Variants in HEMK2 observed in about 807,000 individuals in gnomAD.
HEMK2 encodes the protein HemK methyltransferase 2, ETF1 glutamine and histone H4 lysine.
chr21:28,588,248 C>A, the HEMK2 span, among the ~76,000 whole-genome samples: 2 of 152,110 alleles, frequency 1.3e-5, no homozygotes, highest in Admixed American at 1.3e-4. Flanking sequence ...ATTTGGGGCA[C>A]CAAAAAGGCC....
chr21:28,864,788 C>T, the HEMK2 span, among the ~76,000 whole-genome samples: 1 of 151,002 alleles, frequency 6.6e-6, no homozygotes, highest in African/African-American at 2.4e-5. Flanking sequence ...CAAGTCACCT[C>T]GACTCCTACC....
chr21:28,713,898 T>G, the HEMK2 span, among the ~76,000 whole-genome samples: 1 of 152,236 alleles, frequency 6.6e-6, no homozygotes, highest in African/African-American at 2.4e-5. Flanking sequence ...TACATATGCA[T>G]TCTATGCACA....
the HEMK2 span, among the ~76,000 whole-genome samples, chr21:28,822,759 GCCATAATGACTTGATATATAAA>G: frequency 6.6e-6 from 1 of 152,056 alleles, no homozygotes; most frequent in South Asian, 2.1e-4. Context: ...AAAGCTCTGT[GCCATAATGACTTGATATATAAA>G]CTTTTGGGAA....
chr21:28,636,925 G>C, the HEMK2 span, among the ~76,000 whole-genome samples: 6 of 152,128 alleles, frequency 3.9e-5, no homozygotes, highest in Non-Finnish European at 8.8e-5. Flanking sequence ...TTTTTGCTTA[G>C]AAGCCACGTG....
At chr21:28,783,533 G>A in the HEMK2 span, among the ~76,000 whole-genome samples, 2 of 152,350 alleles carry the variant, frequency 1.3e-5, no homozygotes, top group East Asian at 1.9e-4. Context: ...TTTTGACTGC[G>A]ACCTGTCACA....
At chr21:28,854,012 C>T in the HEMK2 span, among the ~76,000 whole-genome samples, 4 of 152,126 alleles carry the variant, frequency 2.6e-5, no homozygotes, top group Non-Finnish European at 5.9e-5. Flanking sequence ...TCTTTCTCGA[C>T]AGGAGATAAG....
the HEMK2 span, among the ~76,000 whole-genome samples, chr21:28,588,852 G>A: frequency 6.6e-6 from 1 of 151,834 alleles, no homozygotes. Flanking sequence ...GCGTTGTGGT[G>A]GGCACCTGTA....
At chr21:28,760,554 C>A in the HEMK2 span, among the ~76,000 whole-genome samples, 1 of 152,162 alleles carries the variant, frequency 6.6e-6, no homozygotes, top group Admixed American at 6.6e-5. Context: ...ATTGTTTTGA[C>A]TGTATCCATT....
the HEMK2 span, among the ~76,000 whole-genome samples, chr21:28,783,907 G>A: frequency 6.6e-5 from 10 of 152,230 alleles, no homozygotes; most frequent in Non-Finnish European, 1.0e-4. Flanking sequence ...CAGGCCAGCA[G>A]CTGCAGAGGG....
the HEMK2 span, among the ~76,000 whole-genome samples, chr21:28,866,178 A>C: frequency 7.8e-6 from 1 of 127,882 alleles, no homozygotes; most frequent in Admixed American, 7.6e-5. Context: ...AAAAAAAAAC[A>C]CACACACACA....
chr21:28,636,185 C>T, the HEMK2 span, among the ~76,000 whole-genome samples: 1 of 152,088 alleles, frequency 6.6e-6, no homozygotes, highest in East Asian at 1.9e-4. Context: ...GAAATTTTGC[C>T]TTCAAAATAC....
the HEMK2 span, among the ~76,000 whole-genome samples, chr21:28,815,973 G>T: frequency 6.6e-6 from 1 of 152,154 alleles, no homozygotes; most frequent in Non-Finnish European, 1.5e-5. Flanking sequence ...GTAAAATGAG[G>T]CTGTTAGTGT....
chr21:28,854,547 A>T, the HEMK2 span, among the ~76,000 whole-genome samples: 1 of 151,954 alleles, frequency 6.6e-6, no homozygotes, highest in Admixed American at 6.6e-5. Flanking sequence ...TATAAAGGGG[A>T]TTTACTAAGT....
the HEMK2 span, among the ~76,000 whole-genome samples, chr21:28,822,965 G>T: frequency 6.6e-6 from 1 of 152,070 alleles, no homozygotes. Flanking sequence ...TTGCATTTTT[G>T]AATTTGGGGT....
At chr21:28,677,351 C>T in the HEMK2 span, among the ~76,000 whole-genome samples, 195 of 152,274 alleles carry the variant, frequency 1.3e-3, no homozygotes, top group African/African-American at 3.8e-3. Context: ...GGCTGGGGGA[C>T]GGGTGTCCAC....
the HEMK2 span, chr21:28,671,009 A>G: frequency 0.21 from 31,532 of 152,192 alleles, 3,562 homozygotes; most frequent in East Asian, 0.38. Context: ...ATATCAAAGA[A>G]AGTGATGCAA....
chr21:28,730,319 T>A, the HEMK2 span, among the ~76,000 whole-genome samples: 1 of 151,808 alleles, frequency 6.6e-6, no homozygotes, highest in Non-Finnish European at 1.5e-5. Flanking sequence ...AGGTCAAGGC[T>A]GCAGTAAGCC....
At chr21:28,632,529 T>G in the HEMK2 span, among the ~76,000 whole-genome samples, 1 of 152,240 alleles carries the variant, frequency 6.6e-6, no homozygotes, top group East Asian at 1.9e-4. Context: ...GATGTTTTCA[T>G]TTTTTCCAAC....
the HEMK2 span, among the ~76,000 whole-genome samples, chr21:28,881,625 AT>A: frequency 0.16 from 16,078 of 100,650 alleles, 1,856 homozygotes; most frequent in African/African-American, 0.37. Context: ...GAAGCCATCA[AT>A]TTTTTTTTTT....
Sources: allele counts gnomAD v4.1 joint callset (sites outside exome capture counted in the v4.1 genomes callset), GRCh38; gene constraint gnomAD v4.1.1; transcripts MANE v1.5; gene names NCBI Gene and HGNC (gene_info 2026-07-23, HGNC 2026-07-21).